Variants in RNF213 observed in about 807,000 individuals in gnomAD.
RNF213 encodes ring finger protein 213.
RNF213 carries 341 observed loss-of-function variants against 514.4 expected under a neutral mutation model. The ratio of observed to expected loss-of-function variants is 0.66; its 90% CI spans 0.61 to 0.73. RNF213 has a LOEUF of 0.73. Ranked by LOEUF, RNF213 falls within the 30% of genes least tolerant of loss-of-function variation. The probability of loss-of-function intolerance (pLI) is 0.00; values close to 1 mark genes in which losing one functional copy is unlikely to be tolerated. For missense variants in RNF213, 5,767 were observed against 6,615.6 expected (o/e 0.87, Z 4.45); for synonymous variants, 2,655 against 2,658.2 (o/e 1.00, Z 0.04).
At chr17:80,262,313 GA>G (rs1290266310) in intron 1 of RNF213, among the ~76,000 whole-genome samples, 1 of 152,156 alleles carries the variant, frequency 6.6e-6, no homozygotes, top group African/African-American at 2.4e-5. Flanking sequence ...GGAGAAAAGG[GA>G]TGCAAATTGT....
chr17:80,277,577 G>A (rs928911467), intron 3 of RNF213, among the ~76,000 whole-genome samples: 15 of 135,258 alleles, frequency 1.1e-4, no homozygotes, highest in Non-Finnish European at 1.5e-4. Context: ...CAGCCTGGGC[G>A]ACAGTGAGAC....
In RNF213 at chr17:80,325,206, T is replaced by G; in HGVS notation, c.3193+8T>G. 1 of 1,527,478 alleles carries G rather than the reference T, an allele frequency of 6.5e-7. No homozygotes were observed. Among genetic ancestry groups the G allele is most frequent in the African/African-American group, 1.4e-5 (1 of 72,984 alleles). 94.6% of individuals were successfully genotyped at this position (1,527,478 alleles called of 1,614,324 possible). On this transcript the variant is annotated splice_region_variant and intron_variant, in intron 18 of 67. Transcript: ENST00000582970. ...ACGTCTTCAGATTGTGTGGTATGTT[T>G]GCGGGAGTGCTGGGAACATCAGCTC...
chr17:80,307,666 C>T (rs1161565696), intron 13 of RNF213, among the ~76,000 whole-genome samples: 9 of 152,252 alleles, frequency 5.9e-5, no homozygotes, highest in African/African-American at 1.9e-4. Flanking sequence ...TCTCCTTCCT[C>T]AGCCTCCTGA....
In RNF213 at chr17:80,325,162, A is replaced by T; in HGVS notation, c.3157A>T (p.Thr1053Ser). ...CGATGACATTTTAAAGCATCTGCTC[A>T]CGTTGGCAGATGTCAAGCACGTCTT... ...NFDDILKHLL[T>S]LADVKHVFRL... The change falls in exon 18 of 68, where the codon ACG (threonine) becomes TCG (serine). Residue 1053 changes from threonine to serine, a missense_variant. By Grantham distance (58) the Thr-to-Ser change is moderately conservative. Transcript: ENST00000582970. 1 of 1,535,858 alleles carries T rather than the reference A, an allele frequency of 6.5e-7. No homozygotes were observed. The highest frequency in any genetic ancestry group is 8.7e-7 in the Non-Finnish European group (1 of 1,145,802).
At position 80,353,911 on chromosome 17, in the gene RNF213, C is replaced by T. The variant is rs993384344; in HGVS notation, c.10579-108C>T. 3.2e-5 allele frequency: 46 copies of T among 1,444,420 alleles called. No individual in the cohort carries two copies. The African/African-American group carries it at 3.5e-4, about 11-fold the overall frequency. 89.5% of individuals were successfully genotyped at this position (1,444,420 alleles called of 1,614,324 possible). A position where few individuals can be genotyped will look rare whatever the true frequency, so the allele number is the denominator to read the frequency against. On this transcript the variant is annotated intron_variant, in intron 34 of 67. Transcript: ENST00000582970. The surrounding 1 kb of genome is among the most constrained non-coding windows in gnomAD (Gnocchi z 5.0). ...TCTCTTCTTTGTCCGTGAGGACCGC[C>T]GCCCTGTGCTGTTTGCTGCATTGAG...
chr17:80,288,007 G>A lies in RNF213; in HGVS notation c.454G>A (p.Gly152Ser). 1 of 1,591,824 alleles carries A rather than the reference G, an allele frequency of 6.3e-7. No homozygotes were observed. The highest frequency in any genetic ancestry group is 8.5e-7 in the Non-Finnish European group (1 of 1,169,592). The change falls in exon 4 of 68, where the codon GGC becomes AGC. Residue 152 changes from glycine (G) to serine (S), a missense_variant. Coordinates refer to ENST00000582970, the MANE Select transcript of RNF213 (RefSeq NM_001256071.3). The surrounding 1 kb of genome is among the most constrained non-coding windows in gnomAD (Gnocchi z 4.9). ...GPTGQPSQPPGTATTPLEGDG... is the reference protein window; with the variant it reads ...GPTGQPSQPPSTATTPLEGDG... ...CACTGGCCAGCCGAGCCAGCCCCCA[G>A]GCACAGCCACCACGCCACTGGAGGG...
intron 21 of RNF213, among the ~76,000 whole-genome samples, chr17:80,333,349 C>T (rs1362416440): frequency 6.0e-5 from 9 of 151,152 alleles, no homozygotes; most frequent in Non-Finnish European, 1.2e-4. Flanking sequence ...CGTGAGCCAC[C>T]GTGCCCGGCT....
intron 17 of RNF213, chr17:80,321,509 T>C (rs116309052): frequency 7.6e-4 from 116 of 152,386 alleles, no homozygotes; most frequent in African/African-American, 2.7e-3. Context: ...TCATTTCTCC[T>C]GGGTGTATAC....
Position 80,376,392 on chromosome 17 carries a change from C to A in RNF213, c.13277C>A (p.Ser4426Tyr). 1 of 1,614,214 alleles carries A rather than the reference C, an allele frequency of 6.2e-7. No individual in the cohort carries two copies. ...SRFATSLVDN[S>Y]VPLLRAGPSD... ...TTTGCAACATCGCTCGTGGACAATT[C>A]TGTGCCATTGTTGAGGGCGGGGCCT... The change falls in exon 52 of 68, where the codon TCT (serine) becomes TAT (tyrosine). Residue 4426 changes from serine to tyrosine, a missense_variant. By Grantham distance (144) the Ser-to-Tyr change is moderately radical (BLOSUM62 -2). This residue lies in a region of RNF213 where 1,245 missense variants were observed against 1,339.0 expected (regional missense o/e 0.93). Coordinates refer to ENST00000582970, the MANE Select transcript of RNF213 (RefSeq NM_001256071.3).
chr17:80,343,306 A>T lies in RNF213; in HGVS notation c.6164A>T (p.His2055Leu). The change falls in exon 27 of 68, where the codon CAC (histidine) becomes CTC (leucine). Residue 2055 changes from histidine (H) to leucine (L), a missense_variant. Around this residue, in one of 13 missense-constraint regions of RNF213, gnomAD observed 1,377 missense variants for 1,635.2 expected, o/e 0.84. Transcript: ENST00000582970. This position sits in a 1 kb window ranked among gnomAD's most constrained non-coding sequence, Gnocchi z 4.3. ...TATCAGAAGGTCCCCGTGCTCTTTC[A>T]CCTGGACGTGACCTCCTCAGTAAGT... Reference protein sequence around the residue: ...AQYQKVPVLFHLDVTSSVQTG... With the variant: ...AQYQKVPVLFLLDVTSSVQTG... 1 of 1,612,152 alleles carries T rather than the reference A, an allele frequency of 6.2e-7. No individual in the cohort carries two copies. Among genetic ancestry groups the T allele is most frequent in the Non-Finnish European group, 8.5e-7 (1 of 1,179,616 alleles).
chr17:80,261,219 GA>G (rs1323032555), intron 1 of RNF213, among the ~76,000 whole-genome samples: 2 of 152,202 alleles, frequency 1.3e-5, no homozygotes, highest in Non-Finnish European at 2.9e-5. Context: ...CTGCCCCCGG[GA>G]AGTGGCCGGG....
Position 80,288,533 on chromosome 17 carries a change from C to T in RNF213, c.811-100C>T, listed in dbSNP as rs540760117. ...CCTCCACTGGGGATGCCAGCCCACC[C>T]TGTCCCTCGGCTTGTGGCAGATGCT... On this transcript the variant is annotated intron_variant, in intron 4 of 67. Transcript: ENST00000582970. The surrounding 1 kb of genome is among the most constrained non-coding windows in gnomAD (Gnocchi z 4.9). 1.9e-6 allele frequency: 3 copies of T among 1,610,520 alleles called. No homozygotes were observed. In the South Asian group the frequency reaches 3.3e-5, roughly 18 times the overall value.
chr17:80,344,597 G>GA, intron 28 of RNF213, 81 bp from the exon 29 acceptor site: 1 of 1,478,182 alleles, frequency 6.8e-7, no homozygotes, highest in South Asian at 1.1e-5. Flanking sequence ...ATCCAATATA[G>GA]ATAACGTGGA....
At chr17:80,332,785 C>T (rs2046451917) in intron 21 of RNF213, among the ~76,000 whole-genome samples, 154 bp downstream of exon 21, 1 of 152,052 alleles carries the variant, frequency 6.6e-6, no homozygotes, top group East Asian at 1.9e-4. Context: ...GCCTGAATAT[C>T]CCAAGGGCTT....
chr17:80,308,235 G>A (rs1381028844), intron 13 of RNF213, among the ~76,000 whole-genome samples: 1 of 151,938 alleles, frequency 6.6e-6, no homozygotes, highest in Non-Finnish European at 1.5e-5. Flanking sequence ...CGTCTCTGCC[G>A]ATGTTGATCC....
Position 80,315,254 on chromosome 17 carries a change from C to T in RNF213, c.2812-1934C>T, listed in dbSNP as rs998406933. ...AGGTACTGGAGGTGATGGTGGTGGA[C>T]GTGATGGTGGAGGTAATGGAGGTGA... On this transcript the variant is annotated intron_variant, in intron 15 of 67. Coordinates refer to ENST00000582970, the MANE Select transcript of RNF213 (RefSeq NM_001256071.3). Among the ~76,000 whole-genome samples, 2 of 4,246 alleles carry T rather than the reference C, an allele frequency of 4.7e-4. 1 individual carries two copies. Among genetic ancestry groups the T allele is most frequent in the African/African-American group, 4.5e-3 (2 of 446 alleles). The allele number at this position is 4,246 out of a possible 152,430, so 2.8% of individuals were successfully genotyped here. A position where few individuals can be genotyped will look rare whatever the true frequency, so the allele number is the denominator to read the frequency against.
Position 80,363,158 on chromosome 17 carries a change from GC to G in RNF213, c.11415del (p.Glu3806ArgfsTer27). The G allele has an allele frequency of 4.3e-6, 7 of 1,614,230 alleles. No individual in the cohort carries two copies. Among genetic ancestry groups the G allele is most frequent in the Non-Finnish European group, 5.9e-6 (7 of 1,180,042 alleles). The stretch of plus-strand genomic sequence containing the variant: ...GGAAACTGAAAGCGGCGTCAGAAGC[GC>G]CCGAGGAAGAGGTTTCCTTACCGTG... ...TRKLKAASEA[P>X]EEEVSLPWVH... On this transcript the variant is annotated frameshift_variant, in exon 40 of 68. Coordinates refer to ENST00000582970, the MANE Select transcript of RNF213 (RefSeq NM_001256071.3). LOFTEE classifies it high-confidence loss of function.
In RNF213 at chr17:80,360,325, C is replaced by CA. The variant is rs201578981; in HGVS notation, c.11200+120dup. The CA allele has an allele frequency of 1.5e-3, 1,833 of 1,210,316 alleles. 20 individuals carry two copies. The African/African-American group carries it at 0.024, about 16-fold the overall frequency. 75.0% of individuals were successfully genotyped at this position (1,210,316 alleles called of 1,614,324 possible). A position where few individuals can be genotyped will look rare whatever the true frequency, so the allele number is the denominator to read the frequency against. ...GGTGAATTTTGGAGTTTTTAGTTTT[C>CA]ACACTTTGTTTGTGCAGTAAGCGTC... On this transcript the variant is annotated intron_variant, in intron 38 of 67. Transcript: ENST00000582970.
At chr17:80,358,539 A>C (rs1477691164) in intron 37 of RNF213, 60 bp downstream of exon 37, 3 of 1,477,938 alleles carry the variant, frequency 2.0e-6, no homozygotes, top group Non-Finnish European at 2.8e-6. Context: ...CAGGACCCTA[A>C]TATGCTCTCC....
Sources: gnomAD v4.1 joint callset for allele counts (sites outside exome capture counted in the v4.1 genomes callset) on GRCh38, gnomAD v4.1.1 for gene constraint, gnomAD v4.1.1 regional missense constraint, Gnocchi (gnomAD v3.1) non-coding constraint, MANE v1.5 for transcripts, NCBI Gene and HGNC (gene_info 2026-07-23, HGNC 2026-07-21) for gene names.